Variants in HECW2 observed in about 807,000 individuals in gnomAD.
HECW2 encodes the protein E3 ubiquitin-protein ligase HECW2.
HECW2 carries 61 observed loss-of-function variants against 175.2 expected under a neutral mutation model. The ratio of observed to expected loss-of-function variants is 0.35; its 90% CI spans 0.28 to 0.43. HECW2 has a LOEUF of 0.43. HECW2 is among the 20% of genes least tolerant of loss of function. HECW2 has a pLI of 1.00. For missense variants in HECW2, 1,524 were observed against 2,000.5 expected (o/e 0.76, Z 4.54); for synonymous variants, 671 against 731.0 (o/e 0.92, Z 1.32).
At chr2:196,558,375 T>G (rs1449638973) in intron 1 of HECW2, among the ~76,000 whole-genome samples, 2 of 152,214 alleles carry the variant, frequency 1.3e-5, no homozygotes, top group Non-Finnish European at 2.9e-5. Context: ...TTTCCTGATA[T>G]AAGCAGAGTT....
At chr2:196,291,355 T>C (rs529659692) in intron 14 of HECW2, 5 of 152,276 alleles carry the variant, frequency 3.3e-5, no homozygotes, top group Admixed American at 6.5e-5. Flanking sequence ...TTTTTCATCA[T>C]AGCATTAATC....
intron 7 of HECW2, among the ~76,000 whole-genome samples, chr2:196,321,753 C>A (rs1320444013): frequency 6.6e-6 from 1 of 152,152 alleles, no homozygotes; most frequent in African/African-American, 2.4e-5. Context: ...AATCACTCCA[C>A]CTCTGCCCTC....
chr2:196,453,256 A>G (rs1003672799), intron 1 of HECW2, among the ~76,000 whole-genome samples: 11 of 152,190 alleles, frequency 7.2e-5, no homozygotes, highest in African/African-American at 2.2e-4. Context: ...ACATCATATC[A>G]GTTTAGGGTC....
At chr2:196,542,774 T>C (rs1178542310) in intron 1 of HECW2, among the ~76,000 whole-genome samples, 5 of 150,624 alleles carry the variant, frequency 3.3e-5, no homozygotes, top group African/African-American at 9.7e-5. Context: ...TATATATAAA[T>C]ATATCTAGAT....
intron 10 of HECW2, among the ~76,000 whole-genome samples, chr2:196,310,784 G>A (rs958934595): frequency 6.6e-6 from 1 of 151,982 alleles, no homozygotes; most frequent in Non-Finnish European, 1.5e-5. Context: ...GTGTGTGTGT[G>A]TGTGTTTTGC....
intron 1 of HECW2, among the ~76,000 whole-genome samples, chr2:196,484,430 T>C (rs1686937522): frequency 6.6e-6 from 1 of 152,292 alleles, no homozygotes; most frequent in South Asian, 2.1e-4. Flanking sequence ...CTCAGGTTGC[T>C]TACACAGCGT....
chr2:196,573,095 T>C (rs969368273), intron 1 of HECW2, among the ~76,000 whole-genome samples: 17 of 152,054 alleles, frequency 1.1e-4, no homozygotes, highest in Non-Finnish European at 2.1e-4. Context: ...ATACAAACCA[T>C]GTTTCAAGAT....
intron 3 of HECW2, 126 bp from the exon 4 acceptor site, chr2:196,334,644 C>T (rs951096468): frequency 2.9e-6 from 2 of 688,886 alleles, no homozygotes; most frequent in Non-Finnish European, 5.0e-6. Context: ...CCTCTTTTTT[C>T]CACTCAGCGC....
chr2:196,585,015 T>G (rs1026541068), intron 1 of HECW2, among the ~76,000 whole-genome samples: 1 of 152,064 alleles, frequency 6.6e-6, no homozygotes, highest in Non-Finnish European at 1.5e-5. Flanking sequence ...AACTCTCTAA[T>G]AAAAAAAATT....
intron 25 of HECW2, among the ~76,000 whole-genome samples, 166 bp downstream of exon 25, chr2:196,220,629 T>G (rs151170953): frequency 6.6e-6 from 1 of 152,354 alleles, no homozygotes; most frequent in Non-Finnish European, 1.5e-5. Flanking sequence ...GAGTTAAGCT[T>G]CTTTTGGTGC....
chr2:196,585,015 T>C (rs1026541068), intron 1 of HECW2, among the ~76,000 whole-genome samples: 12 of 152,064 alleles, frequency 7.9e-5, no homozygotes, highest in African/African-American at 2.7e-4. Flanking sequence ...AACTCTCTAA[T>C]AAAAAAAATT....
At chr2:196,467,687 G>A (rs1298680749) in intron 1 of HECW2, among the ~76,000 whole-genome samples, 2 of 152,158 alleles carry the variant, frequency 1.3e-5, no homozygotes, top group Non-Finnish European at 2.9e-5. Flanking sequence ...ACTGGATATT[G>A]AGCATACAAA....
chr2:196,453,193 C>A (rs905282566), intron 1 of HECW2, among the ~76,000 whole-genome samples: 46 of 152,186 alleles, frequency 3.0e-4, no homozygotes, highest in Non-Finnish European at 4.6e-4. Flanking sequence ...AGATCTCTAA[C>A]ACCAAGAGTT....
chr2:196,252,070 G>A (rs1232829261), intron 19 of HECW2, among the ~76,000 whole-genome samples: 40 of 151,520 alleles, frequency 2.6e-4, no homozygotes, highest in African/African-American at 4.9e-5. Flanking sequence ...ATGGTGGCAT[G>A]TATCTGTTAT....
intron 2 of HECW2, among the ~76,000 whole-genome samples, chr2:196,392,288 A>C (rs1694536220): frequency 6.6e-6 from 1 of 152,178 alleles, no homozygotes; most frequent in Admixed American, 6.5e-5. Flanking sequence ...TCCAGAATGA[A>C]GCCTCAGTCT....
chr2:196,244,410 A>G (rs886346628), intron 19 of HECW2, among the ~76,000 whole-genome samples: 5 of 152,228 alleles, frequency 3.3e-5, no homozygotes, highest in African/African-American at 1.2e-4. Flanking sequence ...TAAAAATTCC[A>G]GATTTTTCTC....
intron 1 of HECW2, among the ~76,000 whole-genome samples, chr2:196,500,779 A>G (rs1022581221): frequency 1.3e-5 from 2 of 152,208 alleles, no homozygotes; most frequent in African/African-American, 4.8e-5. Context: ...AGGACAACCT[A>G]CCACACCTCC....
intron 17 of HECW2, among the ~76,000 whole-genome samples, chr2:196,264,924 C>A (rs1689450540): frequency 6.6e-6 from 1 of 152,122 alleles, no homozygotes; most frequent in African/African-American, 2.4e-5. Flanking sequence ...TCTTAATAGG[C>A]CTACAAGATA....
At chr2:196,407,104 G>A (rs1011962204) in intron 2 of HECW2, among the ~76,000 whole-genome samples, 3 of 152,056 alleles carry the variant, frequency 2.0e-5, no homozygotes, top group Non-Finnish European at 4.4e-5. Context: ...TGCTTTCTCA[G>A]TAGAGCTTAG....
Sources: gnomAD v4.1 joint callset for allele counts (sites outside exome capture counted in the v4.1 genomes callset) on GRCh38, gnomAD v4.1.1 for gene constraint, MANE v1.5 for transcripts, NCBI Gene and HGNC (gene_info 2026-07-23, HGNC 2026-07-21) for gene names.